The following FAM184A variants were observed in gnomAD, a reference collection of about 807,000 sequenced individuals.
FAM184A encodes family with sequence similarity 184 member A.
A neutral mutation model predicts 143.8 loss-of-function variants in FAM184A; 99 were observed. The ratio of observed to expected loss-of-function variants is 0.69; its 90% CI spans 0.58 to 0.81. The LOEUF (loss-of-function observed/expected upper bound fraction) is 0.81, where lower values mean the gene tolerates loss of function less well. Among genes scored for constraint, FAM184A ranks in the 40% least tolerant of loss-of-function variants. The probability of loss-of-function intolerance (pLI) is 0.00; values close to 1 mark genes in which losing one functional copy is unlikely to be tolerated. For synonymous variants in FAM184A, 427 were observed against 446.4 expected, an observed-to-expected ratio of 0.96 and a Z score of 0.55; for missense variants, 1,217 against 1,310.5, an observed-to-expected ratio of 0.93 and a Z score of 1.10.
chr6:119,015,476 G>A (rs1274462558), intron 5 of FAM184A, among the ~76,000 whole-genome samples: 1 of 152,224 alleles, frequency 6.6e-6, no homozygotes, highest in East Asian at 1.9e-4. Context: ...CGGGCCAGCG[G>A]CTGCGGAGGG....
rs2114641281 is a variant in FAM184A at position 119,003,521 on chromosome 6, A to G, written c.1917T>C (p.Ile639=). 6.2e-7 allele frequency: 1 copy of G among 1,611,522 alleles called. No individual in the cohort carries two copies. Among genetic ancestry groups the G allele is most frequent in the South Asian group, 1.1e-5 (1 of 90,316 alleles). Reference sequence around the variant, plus strand: ...TGTACCTAAGATTTTCAGTCCACTTAATTTCTAAGTCATGGGCCATTTTGT... The same window carrying G: ...TGTACCTAAGATTTTCAGTCCACTTGATTTCTAAGTCATGGGCCATTTTGT... The part of the protein sequence containing the change: ...KVDKMAHDLE[I]KWTENLRQEC... The change falls in exon 8 of 18, where the codon ATT becomes ATC. Residue 639 remains isoleucine (I), a synonymous_variant. Transcript: ENST00000338891.
chr6:119,089,556 A>G (rs1201141320), intron 1 of FAM184A, among the ~76,000 whole-genome samples: 1 of 151,844 alleles, frequency 6.6e-6, no homozygotes, highest in Admixed American at 6.6e-5. Context: ...TCTTGCCTCA[A>G]CCTCCCAAAG....
chr6:118,979,405 A>G lies in FAM184A; in HGVS notation c.2415T>C (p.Thr805=). The G allele has an allele frequency of 6.2e-7, 1 of 1,613,616 alleles. No homozygotes were observed. The highest frequency in any genetic ancestry group is 8.5e-7 in the Non-Finnish European group (1 of 1,179,826). Residue 805 remains threonine, a synonymous_variant, in exon 11 of 18, where the codon ACT becomes ACC. Coordinates refer to ENST00000338891, the MANE Select transcript of FAM184A (RefSeq NM_024581.6). ...FRIEMEQELQ[T]LRFELEDEGK... is the part of the protein sequence containing the mutation. ...CTTCATCTTCTAATTCAAACCGAAG[A>G]GTCTGAAGTTCCTGTTCCATTTCTA...
intron 1 of FAM184A, among the ~76,000 whole-genome samples, chr6:119,111,372 G>A (rs760323418): frequency 3.3e-5 from 5 of 152,146 alleles, no homozygotes; most frequent in Admixed American, 6.5e-5. Flanking sequence ...AAGAGGGAAC[G>A]GAGAGTCAGA....
chr6:119,107,738 A>G (rs889661564), intron 1 of FAM184A, among the ~76,000 whole-genome samples: 2 of 150,732 alleles, frequency 1.3e-5, no homozygotes, highest in African/African-American at 4.9e-5. Context: ...AGATCTCGCC[A>G]CTGCACTCCA....
In FAM184A at chr6:119,006,593, C is replaced by T. The variant is rs746167661; in HGVS notation, c.1669G>A (p.Asp557Asn). ...TANQEIGHLQ[D>N]MVRKSEQGLG... is the part of the protein sequence containing the mutation. ...CCTTGTTCACTTTTCCTTACCATAT[C>T]TTGGAGGTGGCCAATCTGTAAGTAA... The change falls in exon 7 of 18, where the codon GAT becomes AAT. Residue 557 changes from aspartate to asparagine, a missense_variant. Transcript: ENST00000338891. 1 of 1,611,982 alleles carries T rather than the reference C, an allele frequency of 6.2e-7. No individual in the cohort carries two copies. Among genetic ancestry groups the T allele is most frequent in the Admixed American group, 1.7e-5 (1 of 59,666 alleles).
In FAM184A at chr6:119,024,651, T is replaced by A; in HGVS notation, c.322A>T (p.Ile108Phe). The A allele has an allele frequency of 6.2e-7, 1 of 1,614,126 alleles. No individual in the cohort carries two copies. The highest frequency in any genetic ancestry group is 1.1e-5 in the South Asian group (1 of 91,082). Reference sequence around the variant, plus strand: ...TCTAATGATGATTCTAAAACTTGAATCTTTCTTCTAAGGTCTAGCTCCTCT... The same window carrying A: ...TCTAATGATGATTCTAAAACTTGAAACTTTCTTCTAAGGTCTAGCTCCTCT... ...VTEELDLRRK[I>F]QVLESSLEDH... The change falls in exon 2 of 18, where the codon ATT (isoleucine) becomes TTT (phenylalanine). Residue 108 changes from isoleucine (I) to phenylalanine (F), a missense_variant. By Grantham distance (21) the Ile-to-Phe change is conservative. Transcript: ENST00000338891.
intron 6 of FAM184A, chr6:119,009,700 C>CT (rs1785032201): frequency 6.6e-6 from 1 of 152,116 alleles, no homozygotes; most frequent in Non-Finnish European, 1.5e-5. Flanking sequence ...TTGACGAGCC[C>CT]TTGTTAATTA....
Position 119,049,810 on chromosome 6 carries a change from C to T in FAM184A, c.160-24997G>A, listed in dbSNP as rs138958103. ...ATGACAAGGACACCAAAAACAATCA[C>T]GACAAAAGCCAAAATTGACAAGTGG... is the stretch of plus-strand genomic sequence containing the variant. On this transcript the variant is annotated intron_variant, in intron 1 of 17. Coordinates refer to ENST00000338891, the MANE Select transcript of FAM184A (RefSeq NM_024581.6). Among the ~76,000 whole-genome samples the T allele has an allele frequency of 9.2e-3, 1,402 of 152,268 alleles. 24 individuals are homozygous for T. Among genetic ancestry groups the T allele is most frequent in the Middle Eastern group, 0.054 (16 of 294 alleles).
At chr6:119,128,875 C>G (rs1789448947) in intron 1 of FAM184A, among the ~76,000 whole-genome samples, 1 of 92,652 alleles carries the variant, frequency 1.1e-5, no homozygotes, top group South Asian at 5.5e-4. Flanking sequence ...AGAGAATCCC[C>G]TTCCCTTACT....
intron 1 of FAM184A, among the ~76,000 whole-genome samples, chr6:119,084,366 T>G (rs1221253581): frequency 6.6e-6 from 1 of 152,226 alleles, no homozygotes; most frequent in East Asian, 1.9e-4. Context: ...CTTTTGAGTT[T>G]GAAACCCAGC....
At chr6:118,967,145 A>T (rs1330497373) in intron 14 of FAM184A, among the ~76,000 whole-genome samples, 193 bp from the exon 15 acceptor site, 1 of 152,212 alleles carries the variant, frequency 6.6e-6, no homozygotes, top group African/African-American at 2.4e-5. Flanking sequence ...TTAAAGGGGT[A>T]GATGGTACTA....
chr6:119,015,608 C>T (rs534264057), intron 5 of FAM184A, among the ~76,000 whole-genome samples: 19 of 152,356 alleles, frequency 1.2e-4, no homozygotes, highest in South Asian at 6.2e-4. Context: ...AGCCTTCCCC[C>T]GCCTCCGTGG....
intron 9 of FAM184A, among the ~76,000 whole-genome samples, chr6:118,981,578 G>A (rs1467694523): frequency 4.6e-5 from 7 of 152,022 alleles, no homozygotes; most frequent in Admixed American, 4.6e-4. Context: ...GAAAAGGCGG[G>A]GAATCACTAG....
At chr6:119,082,248 G>A (rs1014015822), upstream of FAM184A, among the ~76,000 whole-genome samples, 2 of 152,234 alleles carry the variant, frequency 1.3e-5, no homozygotes, top group Middle Eastern at 3.4e-3. Flanking sequence ...CTAACACATG[G>A]GGATTTCAAT....
intron 1 of FAM184A, among the ~76,000 whole-genome samples, chr6:119,148,261 G>A (rs896957573): frequency 6.6e-6 from 1 of 152,152 alleles, no homozygotes; most frequent in African/African-American, 2.4e-5. Context: ...TCCTGAGTGA[G>A]GTGCATGGAA....
In FAM184A at chr6:118,974,494, A is replaced by G. The variant is rs1465871278; in HGVS notation, c.2849T>C (p.Ile950Thr). ...MTADHLREKN[I>T]MRADFNKTNE... ...AGTCTTATTAAAATCTGCCCGCATG[A>G]TATTTTTCTCTCTGAGGTGGTCTGC... Residue 950 changes from isoleucine (I) to threonine (T), a missense_variant, in exon 14 of 18, where the codon ATC becomes ACC. Ile to Thr is a moderately conservative substitution (Grantham distance 89). Coordinates refer to ENST00000338891, the MANE Select transcript of FAM184A (RefSeq NM_024581.6). 5 of 1,612,712 alleles carry G rather than the reference A, an allele frequency of 3.1e-6. No homozygotes were observed. The highest frequency in any genetic ancestry group is 1.3e-5 in the African/African-American group (1 of 74,836).
intron 1 of FAM184A, among the ~76,000 whole-genome samples, chr6:119,120,535 G>A (rs528868597): frequency 2.0e-5 from 3 of 152,290 alleles, no homozygotes; most frequent in African/African-American, 7.2e-5. Context: ...GAGTTGCTGT[G>A]TCATATGGTA....
rs797017 is a variant in FAM184A, at chr6:118,964,526, A to T, written c.3138+141T>A. ...CTTAAAATGAACATATAAATAATTCATAAGTTTTAGTGCTAGATTATTAAA... is the reference window on the plus strand; with the variant it reads ...CTTAAAATGAACATATAAATAATTCTTAAGTTTTAGTGCTAGATTATTAAA... On this transcript the variant is annotated intron_variant, in intron 16 of 17. Coordinates refer to ENST00000338891, the MANE Select transcript of FAM184A (RefSeq NM_024581.6). 2.8e-5 allele frequency: 13 copies of T among 456,628 alleles called. No individual in the cohort carries two copies. In the East Asian group the frequency reaches 3.8e-4, roughly 13 times the overall value. 28.3% of individuals were successfully genotyped at this position (456,628 alleles called of 1,614,324 possible).
Sources: allele counts gnomAD v4.1 joint callset (sites outside exome capture counted in the v4.1 genomes callset), GRCh38; gene constraint gnomAD v4.1.1; transcripts MANE v1.5; gene names NCBI Gene and HGNC (gene_info 2026-07-23, HGNC 2026-07-21).